The following SLC8A1 variants were observed in gnomAD, a reference collection of about 807,000 sequenced individuals.
SLC8A1 encodes solute carrier family 8 member A1.
SLC8A1 carries 18 observed loss-of-function variants against 68.3 expected under a neutral mutation model. The observed-to-expected ratio is 0.26, with a 90% confidence interval of 0.18 to 0.39. The LOEUF is 0.39. Ranked by LOEUF, SLC8A1 falls within the 10% of genes least tolerant of loss-of-function variation. SLC8A1 has a pLI of 1.00. For synonymous variants in SLC8A1, 475 were observed against 415.5 expected (o/e 1.14, Z -1.74); for missense variants, 985 against 1,156.7 (o/e 0.85, Z 2.15).
exon 1 of SLC8A1, chr2:40,452,020 T>C (rs1297647346): frequency 6.6e-6 from 1 of 151,394 alleles, no homozygotes; most frequent in Non-Finnish European, 1.5e-5. Flanking sequence ...CCATCTTCTG[T>C]GGGAAGCACA....
chr2:40,343,555 C>G (rs1668360967), intron 2 of SLC8A1, among the ~76,000 whole-genome samples: 1 of 152,152 alleles, frequency 6.6e-6, no homozygotes, highest in African/African-American at 2.4e-5. Flanking sequence ...TGCTGGAGCT[C>G]ATAAATGTCA....
intron 2 of SLC8A1, among the ~76,000 whole-genome samples, chr2:40,212,640 T>A (rs1407257863): frequency 1.3e-5 from 2 of 152,160 alleles, no homozygotes; most frequent in Admixed American, 1.3e-4. Flanking sequence ...GATCTATAAA[T>A]CTGCTGCCTT....
At chr2:40,271,004 C>G (rs567512852) in intron 2 of SLC8A1, among the ~76,000 whole-genome samples, 2 of 152,268 alleles carry the variant, frequency 1.3e-5, no homozygotes, top group East Asian at 3.9e-4. Flanking sequence ...GAGGTATACC[C>G]TAATCTTCCT....
At chr2:40,108,427 C>G (rs772054208) in exon 8 of SLC8A1, 3 of 152,116 alleles carry the variant, frequency 2.0e-5, no homozygotes, top group Non-Finnish European at 4.4e-5. Context: ...TTGCAAATAT[C>G]TTAGGGCAAT....
At chr2:40,443,011 A>T (rs1022080579) in intron 1 of SLC8A1, among the ~76,000 whole-genome samples, 3 of 146,414 alleles carry the variant, frequency 2.0e-5, no homozygotes, top group African/African-American at 7.4e-5. Context: ...GGAACAGAAA[A>T]CCAAACACCA....
intron 2 of SLC8A1, among the ~76,000 whole-genome samples, chr2:40,293,536 T>A (rs564034718): frequency 6.6e-6 from 1 of 152,190 alleles, no homozygotes; most frequent in Non-Finnish European, 1.5e-5. Context: ...TAGGAGCATA[T>A]CCTTTAGGTA....
In SLC8A1 at chr2:40,257,896, C is replaced by T. The variant is rs1194290786; in HGVS notation, c.1809-80041G>A. On this transcript the variant is annotated intron_variant, in intron 2 of 7. Transcript: ENST00000406785. ...ACTGCAAGATTAATAAAGCATTTCC[C>T]GCAGCAAAGATAGATAATGCCTAAA... 4.6e-5 allele frequency among the ~76,000 whole-genome samples: 7 copies of T among 151,872 alleles called. No individual in the cohort carries two copies. The East Asian group carries it at 5.8e-4, about 13-fold the overall frequency.
intron 2 of SLC8A1, among the ~76,000 whole-genome samples, chr2:40,347,615 T>C (rs773264818): frequency 1.3e-4 from 20 of 152,368 alleles, no homozygotes; most frequent in Admixed American, 3.3e-4. Flanking sequence ...GATTTACCTT[T>C]AGTGGTACTA....
chr2:40,407,948 T>G (rs1690897783), intron 2 of SLC8A1, among the ~76,000 whole-genome samples: 1 of 152,208 alleles, frequency 6.6e-6, no homozygotes, highest in African/African-American at 2.4e-5. Context: ...CTAACCAGTT[T>G]GCATTTATTC....
chr2:40,411,721 C>T (rs1250378778), intron 2 of SLC8A1, among the ~76,000 whole-genome samples: 1 of 151,888 alleles, frequency 6.6e-6, no homozygotes, highest in Non-Finnish European at 1.5e-5. Context: ...ATAATGAAAA[C>T]TTCTAACGCA....
At chr2:40,485,032 A>G (rs1033504913) in intron 1 of SLC8A1, among the ~76,000 whole-genome samples, 17 of 152,178 alleles carry the variant, frequency 1.1e-4, no homozygotes, top group Non-Finnish European at 2.4e-4. Context: ...ATCATACTAA[A>G]GAATAAGAGC....
Position 40,154,335 on chromosome 2 carries a change from G to T in SLC8A1, c.2161+6430C>A, listed in dbSNP as rs1383329164. Among the ~76,000 whole-genome samples, 31 of 101,912 alleles carry T rather than the reference G, an allele frequency of 3.0e-4. 1 individual carries two copies. Among genetic ancestry groups the T allele is most frequent in the Non-Finnish European group, 1.1e-4 (6 of 54,844 alleles). 66.9% of individuals were successfully genotyped at this position (101,912 alleles called of 152,430 possible). A position where few individuals can be genotyped will look rare whatever the true frequency, so the allele number is the denominator to read the frequency against. On this transcript the variant is annotated intron_variant, in intron 6 of 7. Transcript: ENST00000406785. ...TTTTTTTTTTTTGAGACGGAGTCTT[G>T]CTCTGTCACCCAGGCTGGAGTGCAG... is the stretch of plus-strand genomic sequence containing the variant.
intron 2 of SLC8A1, among the ~76,000 whole-genome samples, chr2:40,329,957 G>C (rs975147356): frequency 2.0e-5 from 3 of 152,100 alleles, no homozygotes; most frequent in East Asian, 1.9e-4. Context: ...TAATAAAAAG[G>C]GGGGGAAAAA....
intron 2 of SLC8A1, among the ~76,000 whole-genome samples, chr2:40,261,904 T>G (rs1029694278): frequency 6.6e-6 from 1 of 152,194 alleles, no homozygotes; most frequent in Admixed American, 6.5e-5. Flanking sequence ...CTTTGTGTAG[T>G]ACCTGTGTAA....
At chr2:40,500,771 A>G (rs1223720406) in intron 1 of SLC8A1, among the ~76,000 whole-genome samples, 2 of 134,960 alleles carry the variant, frequency 1.5e-5, no homozygotes, top group Non-Finnish European at 3.1e-5. Context: ...CACTGAACCT[A>G]TAAGGTAAGG....
At chr2:40,153,569 A>G (rs971359101) in intron 6 of SLC8A1, among the ~76,000 whole-genome samples, 1 of 152,142 alleles carries the variant, frequency 6.6e-6, no homozygotes, top group Non-Finnish European at 1.5e-5. Flanking sequence ...TCAAATAACT[A>G]CTATTTGACC....
At chr2:40,417,293 A>AT (rs371900307) in intron 2 of SLC8A1, among the ~76,000 whole-genome samples, 6 of 151,830 alleles carry the variant, frequency 4.0e-5, no homozygotes, top group Non-Finnish European at 5.9e-5. Context: ...CCAAATAGAT[A>AT]TTTTTTTTCT....
At chr2:40,353,958 G>C (rs542064953) in intron 2 of SLC8A1, among the ~76,000 whole-genome samples, 1 of 152,150 alleles carries the variant, frequency 6.6e-6, no homozygotes, top group Non-Finnish European at 1.5e-5. Flanking sequence ...TACCTACAAG[G>C]CACACAGTAA....
At chr2:40,415,082 A>C (rs1693394160) in intron 2 of SLC8A1, among the ~76,000 whole-genome samples, 1 of 152,198 alleles carries the variant, frequency 6.6e-6, no homozygotes, top group African/African-American at 2.4e-5. Context: ...TGCATGAAGA[A>C]GACTGATAAG....
Sources: gnomAD v4.1 joint callset for allele counts (sites outside exome capture counted in the v4.1 genomes callset) on GRCh38, gnomAD v4.1.1 for gene constraint, MANE v1.5 for transcripts, NCBI Gene and HGNC (gene_info 2026-07-23, HGNC 2026-07-21) for gene names.